Variants in LRP1B observed in about 807,000 individuals in gnomAD.
The protein encoded by LRP1B is LDL receptor related protein 1B, also known as low-density lipoprotein receptor-related protein 1B.
Under a neutral mutation model 556.6 loss-of-function variants are expected in LRP1B, and 217 were observed. The ratio of observed to expected loss-of-function variants is 0.39; its 90% confidence interval spans 0.35 to 0.44. LRP1B has a LOEUF of 0.44. Among genes scored for constraint, LRP1B ranks in the 20% least tolerant of loss-of-function variants. The probability of loss-of-function intolerance (pLI) is 1.00; values close to 1 mark genes in which losing one functional copy is unlikely to be tolerated. For synonymous variants in LRP1B, 2,047 were observed against 1,865.8 expected (o/e 1.10, Z -2.50); for missense variants, 5,053 against 5,620.8 (o/e 0.90, Z 3.23).
At chr2:140,473,258 A>C (rs188629228) in intron 60 of LRP1B, among the ~76,000 whole-genome samples, 1 of 152,148 alleles carries the variant, frequency 6.6e-6, no homozygotes, top group Admixed American at 6.5e-5. Context: ...TGAATTTTTC[A>C]CTAGTCTTTC....
At chr2:140,566,743 C>T (rs1681140558) in intron 43 of LRP1B, among the ~76,000 whole-genome samples, 1 of 152,160 alleles carries the variant, frequency 6.6e-6, no homozygotes, top group South Asian at 2.1e-4. Context: ...AAGTAACATA[C>T]CTGTGCCTGA....
At chr2:140,825,427 C>CT (rs202028363) in intron 31 of LRP1B, among the ~76,000 whole-genome samples, 23 of 145,786 alleles carry the variant, frequency 1.6e-4, no homozygotes, top group Admixed American at 2.7e-4. Flanking sequence ...ATAGGAAGTC[C>CT]TTTTTTTTTT....
intron 1 of LRP1B, among the ~76,000 whole-genome samples, chr2:142,058,424 T>C (rs957776698): frequency 9.9e-5 from 15 of 152,194 alleles, no homozygotes; most frequent in African/African-American, 3.6e-4. Flanking sequence ...TTCCCAACTC[T>C]GTTGAGAAAT....
At chr2:141,204,391 T>C (rs1481704533) in intron 6 of LRP1B, among the ~76,000 whole-genome samples, 2 of 152,056 alleles carry the variant, frequency 1.3e-5, no homozygotes, top group Non-Finnish European at 2.9e-5. Context: ...AATTGGGGAA[T>C]GATATGAGAG....
intron 3 of LRP1B, among the ~76,000 whole-genome samples, chr2:141,304,147 G>T (rs1686496608): frequency 6.6e-6 from 1 of 151,984 alleles, no homozygotes; most frequent in African/African-American, 2.4e-5. Flanking sequence ...TGAGTTCCTT[G>T]TATATTCTGG....
chr2:141,004,194 C>T (rs1697504714), intron 15 of LRP1B, among the ~76,000 whole-genome samples: 6 of 152,008 alleles, frequency 3.9e-5, no homozygotes, highest in Admixed American at 3.9e-4. Flanking sequence ...ATTTTATATG[C>T]CAACTTGACT....
At chr2:141,057,339 G>C (rs188441509) in intron 9 of LRP1B, among the ~76,000 whole-genome samples, 1 of 151,732 alleles carries the variant, frequency 6.6e-6, no homozygotes, top group African/African-American at 2.4e-5. Context: ...TGTTCGTTCT[G>C]CTTTAGACAC....
chr2:141,021,198 C>A (rs796293862), intron 11 of LRP1B, among the ~76,000 whole-genome samples: 97 of 152,134 alleles, frequency 6.4e-4, no homozygotes, highest in African/African-American at 2.3e-3. Flanking sequence ...ATCTAGATCA[C>A]ATTTCCCTGT....
At chr2:140,315,183 T>C in intron 82 of LRP1B, 84 bp from the exon 83 acceptor site, 1 of 895,456 alleles carries the variant, frequency 1.1e-6, no homozygotes, top group Non-Finnish European at 1.6e-6. Context: ...AATATTTAAA[T>C]ACTAGGATCT....
chr2:141,041,433 C>T (rs539301077), intron 11 of LRP1B, among the ~76,000 whole-genome samples: 1 of 152,182 alleles, frequency 6.6e-6, no homozygotes, highest in East Asian at 1.9e-4. Context: ...TTGCCTTTTC[C>T]AGCTTCTGGA....
intron 2 of LRP1B, among the ~76,000 whole-genome samples, chr2:141,601,137 CA>C: frequency 6.6e-6 from 1 of 152,220 alleles, no homozygotes; most frequent in Middle Eastern, 3.4e-3. Flanking sequence ...CACAATACTG[CA>C]AAAACTCAGG....
At chr2:140,701,097 TAAA>T (rs1686622529) in intron 40 of LRP1B, among the ~76,000 whole-genome samples, 1 of 152,142 alleles carries the variant, frequency 6.6e-6, no homozygotes, top group Non-Finnish European at 1.5e-5. Flanking sequence ...TAAGTGAAGA[TAAA>T]AAATGCACTT....
chr2:142,090,410 A>G (rs561287589), intron 1 of LRP1B, among the ~76,000 whole-genome samples: 1 of 152,142 alleles, frequency 6.6e-6, no homozygotes, highest in East Asian at 1.9e-4. Context: ...CTCAACCGCA[A>G]TACTCTCTCT....
At chr2:141,450,101 G>A (rs1681359410) in intron 3 of LRP1B, among the ~76,000 whole-genome samples, 1 of 152,166 alleles carries the variant, frequency 6.6e-6, no homozygotes, top group Non-Finnish European at 1.5e-5. Context: ...GGAAGAGAAG[G>A]AGGGTTGGAA....
intron 66 of LRP1B, among the ~76,000 whole-genome samples, chr2:140,402,782 A>G (rs780482835): frequency 6.6e-6 from 1 of 152,152 alleles, no homozygotes; most frequent in Non-Finnish European, 1.5e-5. Flanking sequence ...TTTACCTACA[A>G]CTAGTTTCTA....
At chr2:140,742,783 TA>T (rs1008483165) in intron 35 of LRP1B, among the ~76,000 whole-genome samples, 1 of 152,052 alleles carries the variant, frequency 6.6e-6, no homozygotes, top group African/African-American at 2.4e-5. Context: ...TATTTTTTCT[TA>T]AAATTTATGT....
chr2:140,722,931 T>C (rs957800264), intron 35 of LRP1B, among the ~76,000 whole-genome samples: 2 of 152,016 alleles, frequency 1.3e-5, no homozygotes, highest in African/African-American at 4.8e-5. Context: ...TATTCCCAGC[T>C]ACTCGGGAGG....
At position 141,664,686 on chromosome 2, in the gene LRP1B, G is replaced by A. The variant is rs148386358; in HGVS notation, c.205+145593C>T. The stretch of plus-strand genomic sequence containing the variant: ...CTTCTTCAAGAAGAACCACAAACCA[G>A]TGCTCAAGGAAATCAGATAGGAAAA... On this transcript the variant is annotated intron_variant, in intron 2 of 90. Coordinates refer to ENST00000389484, the MANE Select transcript of LRP1B (RefSeq NM_018557.3). Among the ~76,000 whole-genome samples the A allele has an allele frequency of 2.6e-5, 4 of 151,854 alleles. No homozygotes were observed. In the East Asian group the frequency reaches 5.8e-4, roughly 22 times the overall value.
At chr2:141,834,658 G>T (rs1447814484) in intron 1 of LRP1B, among the ~76,000 whole-genome samples, 1 of 151,930 alleles carries the variant, frequency 6.6e-6, no homozygotes, top group African/African-American at 2.4e-5. Context: ...CAGGACAAAG[G>T]CAGGTGGACA....
Sources: allele counts gnomAD v4.1 joint callset (sites outside exome capture counted in the v4.1 genomes callset), GRCh38; gene constraint gnomAD v4.1.1; transcripts MANE v1.5; gene names NCBI Gene and HGNC (gene_info 2026-07-23, HGNC 2026-07-21).